Variants in ELMOD2 observed in about 807,000 individuals in gnomAD.
ELMOD2 encodes ELMO domain-containing protein 2.
A neutral mutation model predicts 41.0 loss-of-function variants in ELMOD2; 28 were observed. The observed-to-expected ratio is 0.68, with a 90% CI of 0.51 to 0.94. The LOEUF (loss-of-function observed/expected upper bound fraction) is 0.94. ELMOD2 is among the 40% of genes least tolerant of loss of function. ELMOD2 has a pLI of 0.00. For missense variants in ELMOD2, 333 were observed against 343.1 expected (o/e 0.97, Z 0.23); for synonymous variants, 106 against 107.2 (o/e 0.99, Z 0.07).
chr4:140,549,681 CTTTTTTTTTTTTTTTTTT>C (rs10538089), intron 8 of ELMOD2, among the ~76,000 whole-genome samples: 3 of 42,932 alleles, frequency 7.0e-5, no homozygotes, highest in South Asian at 2.8e-3. Context: ...AGTACTACAT[CTTTTTTTTTTTTTTTTTT>C]TTTTTTTTTT....
intron 3 of ELMOD2, among the ~76,000 whole-genome samples, chr4:140,534,455 A>G (rs1734848800): frequency 6.6e-6 from 1 of 152,182 alleles, no homozygotes; most frequent in Non-Finnish European, 1.5e-5. Context: ...TCTGTATCAT[A>G]GTAGGGATGT....
chr4:140,527,553 A>G (rs1351986799), intron 3 of ELMOD2, 59 bp downstream of exon 3: 15 of 1,376,648 alleles, frequency 1.1e-5, no homozygotes, highest in Non-Finnish European at 1.4e-5. Flanking sequence ...TTTTTTCTTA[A>G]AAAAAAAAAA....
chr4:140,545,483 T>G (rs1432751048), intron 8 of ELMOD2, among the ~76,000 whole-genome samples: 1 of 152,164 alleles, frequency 6.6e-6, no homozygotes, highest in Admixed American at 6.5e-5. Flanking sequence ...TCCCAGCAAC[T>G]GTATGTCCAG....
chr4:140,524,671 C>CTGTGGGAATGTT, intron 1 of ELMOD2: 1 of 985,152 alleles, frequency 1.0e-6, no homozygotes, highest in South Asian at 4.7e-5. Context: ...GGTGACGTGT[C>CTGTGGGAATGTT]TGTGGGAATG....
At chr4:140,527,341 G>A (rs532095405) in intron 2 of ELMOD2, 125 bp from the exon 3 acceptor site, 2 of 787,456 alleles carry the variant, frequency 2.5e-6, no homozygotes, top group Non-Finnish European at 4.2e-6. Context: ...CTGTTATATA[G>A]AAATTATATC....
At chr4:140,531,998 A>T (rs951343704) in intron 3 of ELMOD2, among the ~76,000 whole-genome samples, 1 of 152,160 alleles carries the variant, frequency 6.6e-6, no homozygotes, top group South Asian at 2.1e-4. Flanking sequence ...AAAGAAACAC[A>T]CTTTATGGGG....
chr4:140,547,097 A>G (rs912261574), intron 8 of ELMOD2, among the ~76,000 whole-genome samples: 5 of 152,214 alleles, frequency 3.3e-5, no homozygotes, highest in African/African-American at 1.2e-4. Context: ...TCTAACTAGA[A>G]TAATAACTTG....
chr4:140,546,156 A>G (rs1336543972), intron 8 of ELMOD2, among the ~76,000 whole-genome samples: 4 of 152,354 alleles, frequency 2.6e-5, no homozygotes, highest in Admixed American at 6.5e-5. Flanking sequence ...CTATGCAGCC[A>G]TAAAAAATGA....
At position 140,551,921 on chromosome 4, in the gene ELMOD2, T is replaced by A. The variant is rs1259357270; in HGVS notation, c.*1546T>A. 6.6e-6 allele frequency: 1 copy of A among 152,126 alleles called. No individual in the cohort carries two copies. Among genetic ancestry groups the A allele is most frequent in the Non-Finnish European group, 1.5e-5 (1 of 67,950 alleles). The allele number at this position is 152,126 out of a possible 1,614,324, so 9.4% of individuals were successfully genotyped here. The stretch of plus-strand genomic sequence containing the variant: ...GTTTCTCAATAAGATAAAATTATTT[T>A]AAAAATTTGGTTCACTTTATTACAA... On this transcript the variant is annotated 3_prime_UTR_variant, in exon 9 of 9. Coordinates refer to ENST00000323570, the MANE Select transcript of ELMOD2 (RefSeq NM_153702.4).
intron 8 of ELMOD2, among the ~76,000 whole-genome samples, chr4:140,549,750 A>G (rs763292257): frequency 3.7e-4 from 49 of 132,190 alleles, no homozygotes; most frequent in Non-Finnish European, 6.1e-4. Flanking sequence ...CAGTGGTACA[A>G]TCACGGCTCA....
In ELMOD2 at chr4:140,550,592, TCTGTAGAGTCATG is replaced by T; in HGVS notation, c.*219_*231del. On this transcript the variant is annotated 3_prime_UTR_variant, in exon 9 of 9. Coordinates refer to ENST00000323570, the MANE Select transcript of ELMOD2 (RefSeq NM_153702.4). The stretch of plus-strand genomic sequence containing the variant: ...GTACCTTATCCTTCCAAAGATCCCC[TCTGTAGAGTCATG>T]CGAACTACAGTTTGGAACTTGGGAC... 2.7e-6 allele frequency: 1 copy of T among 368,420 alleles called. No individual in the cohort carries two copies. The highest frequency in any genetic ancestry group is 4.7e-6 in the Non-Finnish European group (1 of 214,026). 22.8% of individuals were successfully genotyped at this position (368,420 alleles called of 1,614,324 possible). A position where few individuals can be genotyped will look rare whatever the true frequency, so the allele number is the denominator to read the frequency against.
chr4:140,548,452 T>A (rs1052206343), intron 8 of ELMOD2, among the ~76,000 whole-genome samples: 1 of 152,184 alleles, frequency 6.6e-6, no homozygotes, highest in Admixed American at 6.6e-5. Flanking sequence ...TCCAAAAATC[T>A]TTCTTAAACT....
At chr4:140,534,239 G>A (rs1734839645) in intron 3 of ELMOD2, among the ~76,000 whole-genome samples, 1 of 152,144 alleles carries the variant, frequency 6.6e-6, no homozygotes, top group Non-Finnish European at 1.5e-5. Context: ...ATATGAGAAA[G>A]AATGTGGATA....
In ELMOD2 at chr4:140,531,708, A is replaced by G. The variant is rs541849491; in HGVS notation, c.172-4025A>G. ...GGCCTCTACTTTTCCACTACAGCCTATAGTCATTCAAAGTATAATAAGGGG... is the reference window on the plus strand; with the variant it reads ...GGCCTCTACTTTTCCACTACAGCCTGTAGTCATTCAAAGTATAATAAGGGG... On this transcript the variant is annotated intron_variant, in intron 3 of 8. Coordinates refer to ENST00000323570, the MANE Select transcript of ELMOD2 (RefSeq NM_153702.4). Among the ~76,000 whole-genome samples the G allele has an allele frequency of 1.1e-3, 173 of 152,360 alleles. 1 individual carries two copies. The highest frequency in any genetic ancestry group is 2.2e-3 in the Non-Finnish European group (149 of 68,038).
At chr4:140,527,549 C>CT in intron 3 of ELMOD2, 55 bp downstream of exon 3, 1 of 1,376,234 alleles carries the variant, frequency 7.3e-7, no homozygotes, top group Non-Finnish European at 9.7e-7. Flanking sequence ...CATATTTTTT[C>CT]TTAAAAAAAA....
chr4:140,525,581 T>A lies in ELMOD2; in HGVS notation c.142+11T>A. ...GGACACACAGGATAGGTAATGTTAT[T>A]CAAAAAGAAAAAGTACTAATAAAAG... On this transcript the variant is annotated intron_variant, in intron 2 of 8. Coordinates refer to ENST00000323570, the MANE Select transcript of ELMOD2 (RefSeq NM_153702.4). 1.3e-6 allele frequency: 2 copies of A among 1,586,846 alleles called. No individual in the cohort carries two copies. The highest frequency in any genetic ancestry group is 1.7e-6 in the Non-Finnish European group (2 of 1,172,148).
At chr4:140,541,676 TCC>T in intron 6 of ELMOD2, among the ~76,000 whole-genome samples, 1 of 152,048 alleles carries the variant, frequency 6.6e-6, no homozygotes, top group South Asian at 2.1e-4. Context: ...ATAGAAAAAG[TCC>T]ATAATGTAAG....
At chr4:140,527,580 G>GTGTT in intron 3 of ELMOD2, 86 bp downstream of exon 3, 1 of 1,173,240 alleles carries the variant, frequency 8.5e-7, no homozygotes, top group Non-Finnish European at 1.2e-6. Context: ...TGCTAGAAGA[G>GTGTT]TGTTTTCTAT....
chr4:140,531,127 A>G (rs964728581), intron 3 of ELMOD2, among the ~76,000 whole-genome samples: 1 of 152,170 alleles, frequency 6.6e-6, no homozygotes, highest in Non-Finnish European at 1.5e-5. Flanking sequence ...GATATTCATG[A>G]AAACCTCTTT....
Sources: allele counts gnomAD v4.1 joint callset (sites outside exome capture counted in the v4.1 genomes callset), GRCh38; gene constraint gnomAD v4.1.1; transcripts MANE v1.5; gene names NCBI Gene and HGNC (gene_info 2026-07-23, HGNC 2026-07-21).